The following NRG1 variants were observed in gnomAD, a reference collection of about 807,000 sequenced individuals.
NRG1 encodes neuregulin 1, also known as pro-neuregulin-1, membrane-bound isoform.
In NRG1, 18 loss-of-function variants were observed where a neutral mutation model predicts 63.8. The ratio of observed to expected loss-of-function variants is 0.28; its 90% CI spans 0.19 to 0.42. NRG1 has a LOEUF of 0.42. Ranked by LOEUF, NRG1 falls within the 10% of genes least tolerant of loss-of-function variation. NRG1 has a pLI of 1.00. For synonymous variants in NRG1, 302 were observed against 301.3 expected, an observed-to-expected ratio of 1.00 and a Z score of -0.02; for missense variants, 762 against 814.7, an observed-to-expected ratio of 0.94 and a Z score of 0.79.
At chr8:32,501,575 TTTGAACAA>T (rs1827857482) in intron 1 of NRG1, among the ~76,000 whole-genome samples, 1 of 152,338 alleles carries the variant, frequency 6.6e-6, no homozygotes, top group South Asian at 2.1e-4. Context: ...CGTGAAAAGG[TTTGAACAA>T]TTGATTAAAT....
downstream of NRG1, among the ~76,000 whole-genome samples, chr8:32,771,329 T>C (rs1831776073): frequency 6.9e-6 from 1 of 144,814 alleles, no homozygotes. Context: ...TCTCGCTATG[T>C]TGCCCAGGCT....
chr8:32,377,977 T>C (rs971501347), intron 1 of NRG1, among the ~76,000 whole-genome samples: 3 of 152,152 alleles, frequency 2.0e-5, no homozygotes, highest in Non-Finnish European at 4.4e-5. Context: ...TATTTTGAAA[T>C]GAGCACTCTG....
intron 1 of NRG1, among the ~76,000 whole-genome samples, chr8:31,697,247 A>G (rs1381314826): frequency 6.6e-6 from 1 of 152,212 alleles, no homozygotes. Context: ...ATTGGAGACC[A>G]ATGATCCTAT....
chr8:32,743,852 A>G (rs543681630), intron 7 of NRG1, among the ~76,000 whole-genome samples: 1 of 152,040 alleles, frequency 6.6e-6, no homozygotes, highest in Non-Finnish European at 1.5e-5. Flanking sequence ...AAAGGTTCAG[A>G]GAGCAAATAT....
rs1852682003 is a variant in NRG1 at position 32,642,820 on chromosome 8, C to T, written c.502+25935C>T. ...GATAATATTTTTAGAGTTATATTGC[C>T]AAGATACAGGAAAAAAGTCAAAGAG... On this transcript the variant is annotated intron_variant, in intron 5 of 11. Transcript: ENST00000356819. Among the ~76,000 whole-genome samples, 5 of 150,844 alleles carry T rather than the reference C, an allele frequency of 3.3e-5. No individual in the cohort carries two copies. The South Asian group carries it at 6.2e-4, about 19-fold the overall frequency.
At chr8:31,715,629 A>T (rs2131279329) in intron 1 of NRG1, among the ~76,000 whole-genome samples, 1 of 152,282 alleles carries the variant, frequency 6.6e-6, no homozygotes, top group East Asian at 1.9e-4. Context: ...CAAGATTTTA[A>T]AAAATCATTA....
At chr8:31,786,692 T>G (rs1310989770) in intron 1 of NRG1, among the ~76,000 whole-genome samples, 4 of 152,182 alleles carry the variant, frequency 2.6e-5, no homozygotes, top group Non-Finnish European at 5.9e-5. Context: ...TACTTACATT[T>G]ACCATTTACC....
At chr8:31,734,782 GT>G (rs1332245864) in intron 1 of NRG1, among the ~76,000 whole-genome samples, 2 of 152,188 alleles carry the variant, frequency 1.3e-5, no homozygotes, top group African/African-American at 4.8e-5. Context: ...GACTGAACCT[GT>G]GGAGTAGGAA....
chr8:31,771,751 G>A (rs893375977), intron 1 of NRG1, among the ~76,000 whole-genome samples: 1 of 152,156 alleles, frequency 6.6e-6, no homozygotes, highest in African/African-American at 2.4e-5. Flanking sequence ...TTCTCAGAGA[G>A]TGCCAGAGCC....
In NRG1 at chr8:32,504,483, T is replaced by G. The variant is rs150841659; in HGVS notation, c.38-91345T>G. Among the ~76,000 whole-genome samples the G allele has an allele frequency of 3.9e-3, 598 of 152,324 alleles. 1 individual carries two copies. The highest frequency in any genetic ancestry group is 5.5e-3 in the Non-Finnish European group (377 of 68,028). On this transcript the variant is annotated intron_variant, in intron 1 of 10. Transcript: ENST00000519301. ...TTATAAGCGTTTTTTTAAGCCAACT[T>G]AGAATAGAACTCATTTATTAATTTG...
At chr8:32,325,178 G>C (rs905718706) in intron 1 of NRG1, among the ~76,000 whole-genome samples, 1 of 152,082 alleles carries the variant, frequency 6.6e-6, no homozygotes, top group Non-Finnish European at 1.5e-5. Flanking sequence ...TCTTATTGAG[G>C]TTTTTAATCA....
At chr8:32,581,447 T>C (rs1275743620) in intron 1 of NRG1, among the ~76,000 whole-genome samples, 1 of 152,198 alleles carries the variant, frequency 6.6e-6, no homozygotes, top group African/African-American at 2.4e-5. Context: ...TATGGAGTGT[T>C]TGAATCACAG....
At chr8:32,629,618 A>T (rs1055873966) in intron 5 of NRG1, among the ~76,000 whole-genome samples, 1 of 152,224 alleles carries the variant, frequency 6.6e-6, no homozygotes, top group African/African-American at 2.4e-5. Context: ...AATAATATTT[A>T]TTAGAGAACT....
At chr8:32,346,828 T>A (rs2129479027) in intron 1 of NRG1, among the ~76,000 whole-genome samples, 1 of 152,050 alleles carries the variant, frequency 6.6e-6, no homozygotes, top group Middle Eastern at 3.4e-3. Context: ...CAAGCATTTA[T>A]CTTATCTTTT....
intron 1 of NRG1, among the ~76,000 whole-genome samples, chr8:31,736,664 T>C (rs1814700350): frequency 6.6e-6 from 1 of 150,684 alleles, no homozygotes; most frequent in African/African-American, 2.5e-5. Context: ...GTCTCAAGTA[T>C]TAAAATACAA....
intron 1 of NRG1, among the ~76,000 whole-genome samples, chr8:32,489,239 G>A (rs1367503005): frequency 2.0e-5 from 3 of 152,118 alleles, no homozygotes; most frequent in Non-Finnish European, 2.9e-5. Context: ...TTGTACACAT[G>A]CTCACCTGAG....
At chr8:31,756,557 C>T (rs1390424717) in intron 1 of NRG1, among the ~76,000 whole-genome samples, 1 of 152,106 alleles carries the variant, frequency 6.6e-6, no homozygotes. Context: ...AACTCCTCCT[C>T]CACAACTGTG....
chr8:31,904,177 A>G (rs1341588931), intron 1 of NRG1, among the ~76,000 whole-genome samples: 2 of 152,170 alleles, frequency 1.3e-5, no homozygotes, highest in African/African-American at 2.4e-5. Flanking sequence ...CCCTCCGACC[A>G]TGGAAGTTTG....
rs1055210488 is a variant in NRG1 at position 32,184,439 on chromosome 8, T to C, written c.38-411389T>C. ...GGCCCAGCATATACCCCGAATACAT[T>C]CTCACTTACCATAAATTTATTATGA... On this transcript the variant is annotated intron_variant, in intron 1 of 10. Coordinates refer to the NRG1 transcript ENST00000519301. Among the ~76,000 whole-genome samples the C allele has an allele frequency of 3.3e-5, 5 of 152,302 alleles. No homozygotes were observed. The East Asian group carries it at 7.7e-4, about 23-fold the overall frequency.
Sources: allele counts gnomAD v4.1 joint callset (sites outside exome capture counted in the v4.1 genomes callset), GRCh38; gene constraint gnomAD v4.1.1; transcripts MANE v1.5; gene names NCBI Gene and HGNC (gene_info 2026-07-23, HGNC 2026-07-21).